Variants in PCDH15 observed in about 807,000 individuals in gnomAD.
PCDH15 encodes the protein protocadherin-15.
A neutral mutation model predicts 178.5 loss-of-function variants in PCDH15; 129 were observed. The observed-to-expected ratio is 0.72, with a 90% CI of 0.63 to 0.84. The LOEUF is 0.84. PCDH15 is among the 40% of genes least tolerant of loss of function. PCDH15 has a pLI of 0.00. For missense variants in PCDH15, 2,230 were observed against 2,099.9 expected, an observed-to-expected ratio of 1.06 and a Z score of -1.21; for synonymous variants, 800 against 732.0, an observed-to-expected ratio of 1.09 and a Z score of -1.50.
intron 2 of PCDH15, among the ~76,000 whole-genome samples, chr10:54,575,857 CAT>C (rs1305402756): frequency 6.6e-6 from 1 of 152,154 alleles, no homozygotes; most frequent in African/African-American, 2.4e-5. Flanking sequence ...AGCAGTGACA[CAT>C]GTTTTTGTGC....
chr10:54,662,968 C>A (rs977341007), intron 2 of PCDH15, among the ~76,000 whole-genome samples: 21 of 151,892 alleles, frequency 1.4e-4, no homozygotes, highest in Admixed American at 2.0e-4. Flanking sequence ...CCATAAATAT[C>A]AAAGATGTGA....
At chr10:54,792,294 C>T (rs2133571719) in intron 1 of PCDH15, among the ~76,000 whole-genome samples, 1 of 152,052 alleles carries the variant, frequency 6.6e-6, no homozygotes, top group East Asian at 1.9e-4. Flanking sequence ...CTAGTGACTT[C>T]AGCAATGTCA....
intron 2 of PCDH15, among the ~76,000 whole-genome samples, chr10:54,900,124 T>C (rs2131824521): frequency 6.6e-6 from 1 of 152,322 alleles, no homozygotes; most frequent in Non-Finnish European, 1.5e-5. Context: ...TGTTCAAACT[T>C]ATTGATCACT....
rs116928799 is a variant in PCDH15, at chr10:55,343,424, A to G, written c.-155-176773T>C. 5.0e-3 allele frequency among the ~76,000 whole-genome samples: 758 copies of G among 152,180 alleles called. 3 individuals are homozygous for G. Among genetic ancestry groups the G allele is most frequent in the Non-Finnish European group, 7.9e-3 (535 of 67,994 alleles). On this transcript the variant is annotated intron_variant, in intron 2 of 5. Transcript: ENST00000613346. Reference sequence around the variant, plus strand: ...CCTTGTACTTTTCTCCATCTGTTCTATTCTCTGCCCTCTACCAAATATCTT... The same window carrying G: ...CCTTGTACTTTTCTCCATCTGTTCTGTTCTCTGCCCTCTACCAAATATCTT...
At chr10:55,190,504 G>A (rs2132145399) in intron 1 of PCDH15, among the ~76,000 whole-genome samples, 1 of 151,712 alleles carries the variant, frequency 6.6e-6, no homozygotes, top group African/African-American at 2.4e-5. Context: ...ATTAGCTATA[G>A]GTCAAAATAA....
intron 2 of PCDH15, among the ~76,000 whole-genome samples, chr10:55,592,694 C>G (rs7078000): frequency 0.31 from 47,776 of 151,886 alleles, 8,217 homozygotes; most frequent in East Asian, 0.49. Context: ...TTTTCTGGAT[C>G]TTTTTCAAGA....
At chr10:54,741,662 CATTT>C in intron 1 of PCDH15, among the ~76,000 whole-genome samples, 1 of 152,084 alleles carries the variant, frequency 6.6e-6, no homozygotes, top group South Asian at 2.1e-4. Flanking sequence ...AGGCAGAATC[CATTT>C]ATTTGCCTTT....
At chr10:55,126,627 A>G (rs904548101) in intron 2 of PCDH15, among the ~76,000 whole-genome samples, 3 of 152,118 alleles carry the variant, frequency 2.0e-5, no homozygotes. Flanking sequence ...CTTTGACTCA[A>G]AAAAACAAAA....
chr10:54,726,246 T>G (rs1307860811), intron 1 of PCDH15, among the ~76,000 whole-genome samples: 1 of 151,576 alleles, frequency 6.6e-6, no homozygotes, highest in African/African-American at 2.4e-5. Flanking sequence ...AAGACACACA[T>G]TCCACAGAAA....
chr10:55,545,111 T>A (rs1347809549), intron 2 of PCDH15, among the ~76,000 whole-genome samples: 1 of 151,930 alleles, frequency 6.6e-6, no homozygotes, highest in Non-Finnish European at 1.5e-5. Flanking sequence ...GCAAAAGGGG[T>A]CCAAGGAATC....
chr10:54,900,900 C>T (rs992232091), intron 2 of PCDH15, among the ~76,000 whole-genome samples: 1 of 152,166 alleles, frequency 6.6e-6, no homozygotes, highest in African/African-American at 2.4e-5. Flanking sequence ...TATTGGTCAA[C>T]AGGCAATGTT....
chr10:54,185,195 G>A lies in PCDH15; in HGVS notation c.1379C>T (p.Thr460Ile), dbSNP rs773884678. The A allele has an allele frequency of 1.9e-6, 3 of 1,613,612 alleles. No individual in the cohort carries two copies. Among genetic ancestry groups the A allele is most frequent in the Non-Finnish European group, 2.5e-6 (3 of 1,179,676 alleles). The change falls in exon 12 of 38, where the codon ACT becomes ATT. Residue 460 changes from threonine (T) to isoleucine (I), a missense_variant. By Grantham distance (89) the Thr-to-Ile change is moderately conservative. Transcript: ENST00000644397. ...TGGTTGAAGTAAGGTGAGGTAGCGA[G>A]TAATACCAGTCTGTGTGACGGTGAA... ...SVFTVTQTGI[T>I]RYLTLLQPVD...
chr10:53,868,886 C>T (rs2133186946), intron 26 of PCDH15, among the ~76,000 whole-genome samples: 1 of 152,222 alleles, frequency 6.6e-6, no homozygotes, highest in East Asian at 1.9e-4. Context: ...ATGGCATAAA[C>T]TCGGCTCACT....
chr10:54,681,070 GA>G (rs1186894293), intron 1 of PCDH15, among the ~76,000 whole-genome samples: 1 of 152,114 alleles, frequency 6.6e-6, no homozygotes, highest in Non-Finnish European at 1.5e-5. Context: ...CCATGGATGA[GA>G]AACAGCAAAT....
chr10:55,573,250 G>T (rs1380349719), intron 2 of PCDH15, among the ~76,000 whole-genome samples: 3 of 152,060 alleles, frequency 2.0e-5, no homozygotes, highest in Non-Finnish European at 2.9e-5. Flanking sequence ...AATGTAATTA[G>T]ATGTGAGGAA....
chr10:55,099,657 A>G (rs1322971320), intron 2 of PCDH15, among the ~76,000 whole-genome samples: 1 of 152,078 alleles, frequency 6.6e-6, no homozygotes, highest in Non-Finnish European at 1.5e-5. Flanking sequence ...TAACAGAACC[A>G]TGTCAGTAAT....
At chr10:54,584,069 A>G (rs542477919) in intron 2 of PCDH15, among the ~76,000 whole-genome samples, 3 of 152,280 alleles carry the variant, frequency 2.0e-5, no homozygotes, top group Non-Finnish European at 2.9e-5. Flanking sequence ...GGCAGAACAT[A>G]TCAATCACCT....
chr10:54,009,822 G>A (rs371325695), intron 20 of PCDH15, among the ~76,000 whole-genome samples: 154 of 152,204 alleles, frequency 1.0e-3, no homozygotes, highest in Middle Eastern at 3.4e-3. Context: ...GCTCCCCACC[G>A]GTGCCTCCAG....
At chr10:55,104,486 C>T (rs977676361) in intron 2 of PCDH15, among the ~76,000 whole-genome samples, 7 of 152,004 alleles carry the variant, frequency 4.6e-5, no homozygotes, top group African/African-American at 1.7e-4. Flanking sequence ...AATTTGAGTC[C>T]ATGGGTATGC....
Sources: gnomAD v4.1 joint callset for allele counts (sites outside exome capture counted in the v4.1 genomes callset) on GRCh38, gnomAD v4.1.1 for gene constraint, MANE v1.5 for transcripts, NCBI Gene and HGNC (gene_info 2026-07-23, HGNC 2026-07-21) for gene names.